Variants in ANKIB1 observed in about 807,000 individuals in gnomAD.
ANKIB1 encodes the protein ankyrin repeat and IBR domain-containing protein 1.
Under a neutral mutation model 122.1 loss-of-function variants are expected in ANKIB1, and 43 were observed. The observed-to-expected ratio is 0.35, with a 90% CI of 0.28 to 0.45. The LOEUF is 0.45. Ranked by LOEUF, ANKIB1 falls within the 20% of genes least tolerant of loss-of-function variation. ANKIB1 has a pLI of 1.00. For synonymous variants in ANKIB1, 390 were observed against 442.0 expected (o/e 0.88, Z 1.48); for missense variants, 992 against 1,329.5 (o/e 0.75, Z 3.95).
intron 11 of ANKIB1, among the ~76,000 whole-genome samples, chr7:92,373,833 A>C (rs892122876): frequency 1.3e-5 from 2 of 150,218 alleles, no homozygotes; most frequent in Non-Finnish European, 3.0e-5. Flanking sequence ...TCTTCCCCTA[A>C]AAATAAGCTT....
chr7:92,258,195 T>C (rs1317446907), intron 1 of ANKIB1, among the ~76,000 whole-genome samples: 4 of 152,346 alleles, frequency 2.6e-5, no homozygotes, highest in South Asian at 4.1e-4. Flanking sequence ...GGGATACTTA[T>C]CTTTTAACTA....
At chr7:92,338,925 AAAAAAAAAATATAT>A (rs1215563005) in intron 5 of ANKIB1, among the ~76,000 whole-genome samples, 20 of 59,200 alleles carry the variant, frequency 3.4e-4, no homozygotes, top group Admixed American at 5.2e-4. Context: ...AAAAAAAAAA[AAAAAAAAAATATAT>A]ATATATATAT....
At chr7:92,324,894 AAAGAT>A (rs1802991855) in intron 4 of ANKIB1, among the ~76,000 whole-genome samples, 1 of 152,260 alleles carries the variant, frequency 6.6e-6, no homozygotes, top group South Asian at 2.1e-4. Flanking sequence ...TTGGAGGAAC[AAAGAT>A]AAGTGACTAC....
intron 1 of ANKIB1, among the ~76,000 whole-genome samples, chr7:92,286,962 A>G (rs557759227): frequency 6.6e-6 from 1 of 152,326 alleles, no homozygotes; most frequent in African/African-American, 2.4e-5. Context: ...CTGTTGCCTG[A>G]TTAACCCTAG....
At chr7:92,296,467 C>G (rs1215744466) in intron 2 of ANKIB1, among the ~76,000 whole-genome samples, 1 of 152,084 alleles carries the variant, frequency 6.6e-6, no homozygotes, top group Non-Finnish European at 1.5e-5. Context: ...CTCAAGCCAT[C>G]CTCTCACTTG....
chr7:92,297,210 G>T (rs910563015), intron 2 of ANKIB1, among the ~76,000 whole-genome samples: 1 of 152,162 alleles, frequency 6.6e-6, no homozygotes, highest in African/African-American at 2.4e-5. Context: ...CTTGTAACTG[G>T]CGAAGCTTGT....
chr7:92,354,929 A>G (rs1019099519), intron 9 of ANKIB1, among the ~76,000 whole-genome samples: 1 of 152,260 alleles, frequency 6.6e-6, no homozygotes, highest in Non-Finnish European at 1.5e-5. Flanking sequence ...AAAGATGACT[A>G]CAAAAACAAC....
At chr7:92,258,997 A>G (rs958121341) in intron 1 of ANKIB1, among the ~76,000 whole-genome samples, 2 of 151,914 alleles carry the variant, frequency 1.3e-5, no homozygotes, top group African/African-American at 4.8e-5. Context: ...TTTATTACCC[A>G]GGTTGGAGTA....
intron 4 of ANKIB1, chr7:92,325,878 T>C (rs767601350): frequency 1.9e-5 from 8 of 427,296 alleles, no homozygotes; most frequent in Non-Finnish European, 3.2e-5. Context: ...AGAGGTAATT[T>C]TATTCACGTT....
At chr7:92,287,071 A>T (rs1322516381) in intron 1 of ANKIB1, among the ~76,000 whole-genome samples, 1 of 152,172 alleles carries the variant, frequency 6.6e-6, no homozygotes, top group Admixed American at 6.5e-5. Context: ...ATTTTTAAGT[A>T]ATTTTAGACT....
At chr7:92,265,864 AC>A (rs1801661540) in intron 1 of ANKIB1, among the ~76,000 whole-genome samples, 1 of 152,240 alleles carries the variant, frequency 6.6e-6, no homozygotes, top group Non-Finnish European at 1.5e-5. Flanking sequence ...TATCTCTAGT[AC>A]AAGATGTCAA....
In ANKIB1 at chr7:92,300,962, G is replaced by C. The variant is rs533366433; in HGVS notation, c.188+5796G>C. Among the ~76,000 whole-genome samples, 145 of 152,192 alleles carry C rather than the reference G, an allele frequency of 9.5e-4. 2 individuals are homozygous for C. Among genetic ancestry groups the C allele is most frequent in the African/African-American group, 3.4e-3 (141 of 41,528 alleles). On this transcript the variant is annotated intron_variant, in intron 2 of 19. Coordinates refer to ENST00000265742, the MANE Select transcript of ANKIB1 (RefSeq NM_019004.2). ...ATCTTGCACTCATTTGTCTTTCTGTGTATAATGCACTGAACTTAGCAAAAT... is the reference window on the plus strand; with the variant it reads ...ATCTTGCACTCATTTGTCTTTCTGTCTATAATGCACTGAACTTAGCAAAAT...
chr7:92,331,545 A>T (rs1011367542), intron 5 of ANKIB1, among the ~76,000 whole-genome samples: 2 of 152,082 alleles, frequency 1.3e-5, no homozygotes, highest in Non-Finnish European at 2.9e-5. Context: ...GAGTGTTGGG[A>T]TTACAGGCAT....
intron 10 of ANKIB1, among the ~76,000 whole-genome samples, chr7:92,364,346 A>G (rs938384455): frequency 7.5e-6 from 1 of 133,734 alleles, no homozygotes; most frequent in Non-Finnish European, 1.6e-5. Context: ...AAAAGCCTTT[A>G]TAGATTGTGT....
intron 8 of ANKIB1, 128 bp downstream of exon 8, chr7:92,351,222 T>C (rs1330558792): frequency 3.7e-6 from 3 of 813,406 alleles, no homozygotes; most frequent in East Asian, 3.1e-5. Context: ...AGAAACACTT[T>C]ATCAGAAAAG....
At chr7:92,274,881 A>G (rs986506625) in intron 1 of ANKIB1, among the ~76,000 whole-genome samples, 4 of 152,174 alleles carry the variant, frequency 2.6e-5, no homozygotes, top group African/African-American at 9.7e-5. Flanking sequence ...GAGCTGTGAT[A>G]GCACCACTGC....
At chr7:92,326,844 G>A (rs1022163745) in intron 4 of ANKIB1, among the ~76,000 whole-genome samples, 1 of 152,012 alleles carries the variant, frequency 6.6e-6, no homozygotes, top group African/African-American at 2.4e-5. Context: ...ATGTTGCCCA[G>A]GCTAGACTGC....
chr7:92,297,597 T>G (rs764357917), intron 2 of ANKIB1, among the ~76,000 whole-genome samples: 2 of 152,172 alleles, frequency 1.3e-5, no homozygotes, highest in Non-Finnish European at 2.9e-5. Flanking sequence ...CCATTCCTTT[T>G]GCCCTAAACT....
intron 1 of ANKIB1, among the ~76,000 whole-genome samples, chr7:92,271,519 A>G (rs1249036853): frequency 6.6e-6 from 1 of 152,152 alleles, no homozygotes; most frequent in Non-Finnish European, 1.5e-5. Context: ...TTGTAATTGC[A>G]TCAAGTCTGT....
Sources: gnomAD v4.1 joint callset for allele counts (sites outside exome capture counted in the v4.1 genomes callset) on GRCh38, gnomAD v4.1.1 for gene constraint, MANE v1.5 for transcripts, NCBI Gene and HGNC (gene_info 2026-07-23, HGNC 2026-07-21) for gene names.